The following FCHSD2 variants were observed in gnomAD, a reference collection of about 807,000 sequenced individuals.
FCHSD2 encodes F-BAR and double SH3 domains protein 2.
FCHSD2 carries 38 observed loss-of-function variants against 108.1 expected under a neutral mutation model. That is an observed-to-expected ratio of 0.35 (90% CI 0.27 to 0.46). FCHSD2 has a LOEUF of 0.46. Ranked by LOEUF, FCHSD2 falls within the 20% of genes least tolerant of loss-of-function variation. FCHSD2 has a pLI of 1.00. For missense variants in FCHSD2, 751 were observed against 897.8 expected (o/e 0.84, Z 2.09); for synonymous variants, 279 against 314.7 (o/e 0.89, Z 1.20).
At chr11:72,999,413 G>A (rs374334004) in intron 5 of FCHSD2, among the ~76,000 whole-genome samples, 24 of 148,110 alleles carry the variant, frequency 1.6e-4, no homozygotes, top group African/African-American at 5.0e-4. Flanking sequence ...TCCACCTCCC[G>A]GGTTCAAGCA....
intron 4 of FCHSD2, among the ~76,000 whole-genome samples, chr11:73,011,540 T>G (rs761306622): frequency 7.2e-5 from 11 of 152,316 alleles, no homozygotes; most frequent in Non-Finnish European, 1.5e-4. Context: ...CCCAGGACAG[T>G]GCACAGTCTG....
At chr11:72,927,386 T>C (rs1856097613) in intron 8 of FCHSD2, among the ~76,000 whole-genome samples, 1 of 152,084 alleles carries the variant, frequency 6.6e-6, no homozygotes, top group South Asian at 2.1e-4. Flanking sequence ...AACTGTGAAT[T>C]TGGGGTGATG....
At chr11:73,032,591 A>G (rs1380077168) in intron 3 of FCHSD2, among the ~76,000 whole-genome samples, 1 of 152,058 alleles carries the variant, frequency 6.6e-6, no homozygotes, top group Non-Finnish European at 1.5e-5. Context: ...AACTGAAAAA[A>G]AAAAAGCACA....
chr11:73,097,444 C>G (rs1860114011), intron 2 of FCHSD2, among the ~76,000 whole-genome samples: 1 of 149,462 alleles, frequency 6.7e-6, no homozygotes, highest in Non-Finnish European at 1.5e-5. Context: ...CTTCTGGTAT[C>G]TGTTTGATTT....
chr11:72,979,207 T>TA (rs1415255495), intron 8 of FCHSD2, among the ~76,000 whole-genome samples: 1 of 151,876 alleles, frequency 6.6e-6, no homozygotes, highest in Non-Finnish European at 1.5e-5. Flanking sequence ...CAACAGGCAA[T>TA]AAAAAATGCT....
At chr11:72,990,725 T>G (rs1205327616) in intron 5 of FCHSD2, among the ~76,000 whole-genome samples, 1 of 152,156 alleles carries the variant, frequency 6.6e-6, no homozygotes, top group South Asian at 2.1e-4. Flanking sequence ...ACAGGGAAAT[T>G]TATAGCACTA....
chr11:73,021,333 T>A (rs1330603570), intron 3 of FCHSD2, among the ~76,000 whole-genome samples: 1 of 150,992 alleles, frequency 6.6e-6, no homozygotes, highest in African/African-American at 2.4e-5. Flanking sequence ...GTAAAGTGGA[T>A]AAAGAAAATT....
chr11:72,863,626 T>C (rs992065868), intron 13 of FCHSD2, among the ~76,000 whole-genome samples: 2 of 152,142 alleles, frequency 1.3e-5, no homozygotes, highest in Non-Finnish European at 2.9e-5. Context: ...ATTCAGAGTA[T>C]AAACTCTTAA....
intron 12 of FCHSD2, among the ~76,000 whole-genome samples, chr11:72,872,261 T>C (rs1854876128): frequency 6.8e-6 from 1 of 146,388 alleles, no homozygotes; most frequent in African/African-American, 2.5e-5. Flanking sequence ...AAAGACCTTT[T>C]GGCACACAAC....
intron 12 of FCHSD2, among the ~76,000 whole-genome samples, chr11:72,881,491 A>G (rs1855085663): frequency 6.6e-6 from 1 of 152,246 alleles, no homozygotes; most frequent in Non-Finnish European, 1.5e-5. Flanking sequence ...GTTTCTCAAA[A>G]GACTAAAAAT....
At chr11:73,001,820 C>T (rs1442367516) in intron 4 of FCHSD2, among the ~76,000 whole-genome samples, 3 of 152,160 alleles carry the variant, frequency 2.0e-5, no homozygotes, top group Non-Finnish European at 4.4e-5. Context: ...AAGCAAGTGC[C>T]ATCACCTTTG....
At position 72,945,988 on chromosome 11, in the gene FCHSD2, C is replaced by T. The variant is rs1368373848; in HGVS notation, c.706-24038G>A. On this transcript the variant is annotated intron_variant, in intron 8 of 19. Transcript: ENST00000409418. Reference sequence around the variant, plus strand: ...TCAACCATTGTGGAAGTCAGTGTGGCGATTCCTCAGGGATCTAGAACTAGA... The same window carrying T: ...TCAACCATTGTGGAAGTCAGTGTGGTGATTCCTCAGGGATCTAGAACTAGA... 2.0e-5 allele frequency among the ~76,000 whole-genome samples: 3 copies of T among 152,116 alleles called. No individual in the cohort carries two copies. In the East Asian group the frequency reaches 5.8e-4, roughly 29 times the overall value.
intron 8 of FCHSD2, among the ~76,000 whole-genome samples, chr11:72,954,196 ATT>A (rs57517075): frequency 0.28 from 30,874 of 111,804 alleles, 7,992 homozygotes; most frequent in African/African-American, 0.46. Flanking sequence ...AGATGTGGGG[ATT>A]TTTTTTTTTT....
intron 8 of FCHSD2, among the ~76,000 whole-genome samples, chr11:72,925,027 TC>T (rs1856049473): frequency 6.6e-6 from 1 of 151,960 alleles, no homozygotes; most frequent in Non-Finnish European, 1.5e-5. Flanking sequence ...TATTTTGAGT[TC>T]AGCAAATGGT....
intron 8 of FCHSD2, among the ~76,000 whole-genome samples, chr11:72,944,425 A>G (rs1264753766): frequency 1.3e-5 from 2 of 152,232 alleles, no homozygotes; most frequent in African/African-American, 4.8e-5. Context: ...TATCTATGAC[A>G]AACTCACAGC....
intron 19 of FCHSD2, among the ~76,000 whole-genome samples, chr11:72,840,463 C>T (rs1446532847): frequency 6.6e-6 from 1 of 152,190 alleles, no homozygotes; most frequent in Non-Finnish European, 1.5e-5. Context: ...ATAATATATT[C>T]ACCCGGAGAA....
intron 2 of FCHSD2, among the ~76,000 whole-genome samples, chr11:73,127,600 G>A (rs958454318): frequency 6.6e-6 from 1 of 152,096 alleles, no homozygotes; most frequent in African/African-American, 2.4e-5. Flanking sequence ...AACATCTGGA[G>A]AATTTACAAA....
At chr11:72,887,052 G>A (rs887659952) in intron 12 of FCHSD2, among the ~76,000 whole-genome samples, 3 of 151,482 alleles carry the variant, frequency 2.0e-5, no homozygotes, top group East Asian at 3.9e-4. Context: ...CCTTCCATAT[G>A]GGGGAGATTT....
chr11:73,108,863 G>A (rs897195582), intron 2 of FCHSD2, among the ~76,000 whole-genome samples: 10 of 152,162 alleles, frequency 6.6e-5, no homozygotes, highest in South Asian at 2.1e-4. Context: ...GAGCCACCGC[G>A]CCCAGCCTAG....
Sources: gnomAD v4.1 joint callset for allele counts (sites outside exome capture counted in the v4.1 genomes callset) on GRCh38, gnomAD v4.1.1 for gene constraint, MANE v1.5 for transcripts, NCBI Gene and HGNC (gene_info 2026-07-23, HGNC 2026-07-21) for gene names.